The following TAFA1 variants were observed in gnomAD, a reference collection of about 807,000 sequenced individuals.
TAFA1 encodes chemokine-like protein TAFA-1.
A neutral mutation model predicts 18.5 loss-of-function variants in TAFA1; 4 were observed. That is an observed-to-expected ratio of 0.22 (90% CI 0.11 to 0.49). TAFA1 has a LOEUF of 0.49. Among genes scored for constraint, TAFA1 ranks in the 20% least tolerant of loss-of-function variants. The pLI is 0.98. For missense variants in TAFA1, 147 were observed against 169.0 expected, an observed-to-expected ratio of 0.87 and a Z score of 0.72; for synonymous variants, 56 against 55.2, an observed-to-expected ratio of 1.01 and a Z score of -0.06.
intron 3 of TAFA1, among the ~76,000 whole-genome samples, chr3:68,521,814 A>G (rs2073027695): frequency 1.3e-5 from 2 of 150,362 alleles, no homozygotes; most frequent in African/African-American, 4.9e-5. Flanking sequence ...ATGTTGTGAC[A>G]GAAACATAGA....
intron 2 of TAFA1, among the ~76,000 whole-genome samples, chr3:68,145,831 A>G (rs932446076): frequency 3.9e-5 from 6 of 152,248 alleles, no homozygotes; most frequent in African/African-American, 1.4e-4. Flanking sequence ...ACTTGTACTG[A>G]TAAACTTGAA....
chr3:68,309,806 C>T (rs2068484470), intron 2 of TAFA1, among the ~76,000 whole-genome samples: 1 of 152,136 alleles, frequency 6.6e-6, no homozygotes, highest in African/African-American at 2.4e-5. Flanking sequence ...CACCAGAACC[C>T]AGGTTCTCTC....
intron 3 of TAFA1, among the ~76,000 whole-genome samples, chr3:68,508,853 C>CAT (rs1159224985): frequency 3.3e-5 from 5 of 151,892 alleles, no homozygotes; most frequent in Admixed American, 6.6e-5. Flanking sequence ...AGTAAGAGTT[C>CAT]AGTGATCACT....
At chr3:68,224,162 C>A (rs772233900) in intron 2 of TAFA1, among the ~76,000 whole-genome samples, 5 of 151,944 alleles carry the variant, frequency 3.3e-5, no homozygotes, top group Non-Finnish European at 7.4e-5. Flanking sequence ...GATTTAAATG[C>A]ATGTATGAAT....
At chr3:68,032,557 T>A (rs550322869) in intron 2 of TAFA1, among the ~76,000 whole-genome samples, 174 of 152,314 alleles carry the variant, frequency 1.1e-3, no homozygotes, top group Non-Finnish European at 1.9e-3. Flanking sequence ...GAGAATTTGC[T>A]GAAATTCTCC....
chr3:68,304,618 T>C (rs936132502), intron 2 of TAFA1, among the ~76,000 whole-genome samples: 2 of 152,184 alleles, frequency 1.3e-5, no homozygotes, highest in Non-Finnish European at 2.9e-5. Flanking sequence ...TTCTTTACCA[T>C]TGTTTCAGAC....
rs141037890 is a variant in TAFA1 at position 68,368,996 on chromosome 3, C to A, written c.119-48284C>A. Reference sequence around the variant, plus strand: ...ATAAAATTTATTATGTAGAATATATCAAAAATATATGTAAATCACTATTTT... The same window carrying A: ...ATAAAATTTATTATGTAGAATATATAAAAAATATATGTAAATCACTATTTT... On this transcript the variant is annotated intron_variant, in intron 2 of 4. Coordinates refer to ENST00000478136, the MANE Select transcript of TAFA1 (RefSeq NM_213609.4). Among the ~76,000 whole-genome samples the A allele has an allele frequency of 8.5e-5, 13 of 152,244 alleles. No individual in the cohort carries two copies. In the East Asian group the frequency reaches 1.2e-3, roughly 14 times the overall value.
intron 2 of TAFA1, among the ~76,000 whole-genome samples, chr3:68,138,883 A>G (rs147149772): frequency 3.9e-5 from 6 of 152,232 alleles, no homozygotes; most frequent in African/African-American, 1.4e-4. Context: ...TTCAGGGTAG[A>G]GTTAGGATAT....
chr3:68,264,319 C>T (rs2067497662), intron 2 of TAFA1, among the ~76,000 whole-genome samples: 1 of 152,050 alleles, frequency 6.6e-6, no homozygotes, highest in Non-Finnish European at 1.5e-5. Flanking sequence ...TAGTTCAGGT[C>T]GTTTGTGGAG....
intron 2 of TAFA1, among the ~76,000 whole-genome samples, chr3:68,361,056 G>A (rs1575804691): frequency 6.6e-6 from 1 of 151,984 alleles, no homozygotes; most frequent in Non-Finnish European, 1.5e-5. Flanking sequence ...GTCATCTAAA[G>A]GATGACCTCA....
intron 2 of TAFA1, among the ~76,000 whole-genome samples, chr3:68,150,016 G>A (rs981681173): frequency 5.3e-5 from 8 of 152,154 alleles, no homozygotes; most frequent in African/African-American, 1.4e-4. Context: ...AATGAAGCAA[G>A]GTCTCTTGTG....
intron 2 of TAFA1, among the ~76,000 whole-genome samples, chr3:68,389,567 G>C (rs998213174): frequency 6.6e-6 from 1 of 152,004 alleles, no homozygotes; most frequent in East Asian, 1.9e-4. Flanking sequence ...GTTGATTCCC[G>C]GGCAAGATGG....
At chr3:68,446,505 G>A (rs989309842) in intron 3 of TAFA1, among the ~76,000 whole-genome samples, 1 of 152,082 alleles carries the variant, frequency 6.6e-6, no homozygotes, top group African/African-American at 2.4e-5. Flanking sequence ...TTTGCCAGCA[G>A]CGTATTCAAT....
At chr3:68,110,175 T>C (rs1014522757) in intron 2 of TAFA1, among the ~76,000 whole-genome samples, 2 of 152,118 alleles carry the variant, frequency 1.3e-5, no homozygotes, top group Non-Finnish European at 2.9e-5. Context: ...TCCCCTACCA[T>C]GTGTCCATGT....
At chr3:68,362,006 A>G (rs949378386) in intron 2 of TAFA1, among the ~76,000 whole-genome samples, 2 of 152,136 alleles carry the variant, frequency 1.3e-5, no homozygotes, top group Non-Finnish European at 2.9e-5. Context: ...AATAATTTTG[A>G]AAACTAAAAT....
At chr3:68,364,989 A>T (rs1193972079) in intron 2 of TAFA1, among the ~76,000 whole-genome samples, 1 of 152,206 alleles carries the variant, frequency 6.6e-6, no homozygotes, top group Non-Finnish European at 1.5e-5. Context: ...TTAAGGTGAT[A>T]ATCGGCTTGT....
In TAFA1 at chr3:68,094,772, A is replaced by G. The variant is rs375639181; in HGVS notation, c.118+88028A>G. 1.6e-3 allele frequency among the ~76,000 whole-genome samples: 250 copies of G among 152,262 alleles called. 8 individuals are homozygous for G. In the South Asian group the frequency reaches 0.051, roughly 31 times the overall value. On this transcript the variant is annotated intron_variant, in intron 2 of 4. Transcript: ENST00000478136. Reference sequence around the variant, plus strand: ...CCTACAGTGTTGTACTTATATCACAAGTACTGAGTGGATGTTAGTGTTCTT... The same window carrying G: ...CCTACAGTGTTGTACTTATATCACAGGTACTGAGTGGATGTTAGTGTTCTT...
chr3:68,145,332 G>C, intron 2 of TAFA1: 1 of 794,894 alleles, frequency 1.3e-6, no homozygotes, highest in Non-Finnish European at 2.3e-6. Flanking sequence ...GAAGCACTTA[G>C]AGATGCAACA....
intron 2 of TAFA1, among the ~76,000 whole-genome samples, chr3:68,212,930 A>G (rs1373100519): frequency 6.6e-6 from 1 of 151,994 alleles, no homozygotes; most frequent in Non-Finnish European, 1.5e-5. Flanking sequence ...CCAAAGGAGG[A>G]AAAGTCATCT....
Sources: allele counts gnomAD v4.1 joint callset (sites outside exome capture counted in the v4.1 genomes callset), GRCh38; gene constraint gnomAD v4.1.1; transcripts MANE v1.5; gene names NCBI Gene and HGNC (gene_info 2026-07-23, HGNC 2026-07-21).